Variants in CRTC3 observed in about 807,000 individuals in gnomAD.
The protein encoded by CRTC3 is CREB-regulated transcription coactivator 3.
Under a neutral mutation model 74.5 loss-of-function variants are expected in CRTC3, and 26 were observed. The observed-to-expected ratio is 0.35, with a 90% CI of 0.26 to 0.48. The LOEUF is 0.48. Ranked by LOEUF, CRTC3 falls within the 20% of genes least tolerant of loss-of-function variation. CRTC3 has a pLI of 0.99. For missense variants in CRTC3, 760 were observed against 787.3 expected (o/e 0.97, Z 0.41); for synonymous variants, 377 against 325.8 (o/e 1.16, Z -1.69).
chr15:90,641,595 G>C (rs1000443901), intron 14 of CRTC3, among the ~76,000 whole-genome samples: 3 of 151,976 alleles, frequency 2.0e-5, no homozygotes, highest in African/African-American at 7.3e-5. Flanking sequence ...AGCTACTCGG[G>C]AGGCTGAGGC....
chr15:90,615,642 A>G (rs1395089992), intron 7 of CRTC3, among the ~76,000 whole-genome samples: 1 of 152,234 alleles, frequency 6.6e-6, no homozygotes, highest in East Asian at 1.9e-4. Flanking sequence ...AGAATTCCCA[A>G]CAAATCTTGG....
rs558393973 is a variant in CRTC3 at position 90,571,365 on chromosome 15, A to G, written c.232-22271A>G. Among the ~76,000 whole-genome samples the G allele has an allele frequency of 3.3e-5, 5 of 152,304 alleles. No individual in the cohort carries two copies. In the East Asian group the frequency reaches 9.6e-4, roughly 29 times the overall value. On this transcript the variant is annotated intron_variant, in intron 2 of 14. Coordinates refer to ENST00000268184, the MANE Select transcript of CRTC3 (RefSeq NM_022769.5). ...GTGACTAAGCTGGGACCTGAGGGCT[A>G]TATAACTGAAGATTGGAGTGAGGAG...
intron 2 of CRTC3, among the ~76,000 whole-genome samples, chr15:90,571,891 G>A (rs1258005039): frequency 6.6e-6 from 1 of 152,178 alleles, no homozygotes; most frequent in Non-Finnish European, 1.5e-5. Context: ...ACTGGGTGCA[G>A]TGGCTCACAC....
At chr15:90,543,707 T>C (rs543995036) in intron 2 of CRTC3, among the ~76,000 whole-genome samples, 20 of 152,120 alleles carry the variant, frequency 1.3e-4, no homozygotes, top group Admixed American at 2.0e-4. Flanking sequence ...AGAGCACAGA[T>C]TTTTTTTAAG....
intron 2 of CRTC3, among the ~76,000 whole-genome samples, chr15:90,556,759 A>C (rs562507932): frequency 9.2e-5 from 14 of 152,144 alleles, no homozygotes; most frequent in Non-Finnish European, 1.6e-4. Flanking sequence ...CCGTCAGAGA[A>C]ATATGACTCA....
intron 9 of CRTC3, among the ~76,000 whole-genome samples, chr15:90,622,458 G>C (rs908894309): frequency 1.3e-5 from 2 of 152,162 alleles, no homozygotes; most frequent in Non-Finnish European, 2.9e-5. Context: ...CAGTCAGAAA[G>C]CCCATCTGCT....
chr15:90,624,315 C>T (rs554328043), intron 9 of CRTC3, among the ~76,000 whole-genome samples: 13 of 152,212 alleles, frequency 8.5e-5, no homozygotes, highest in Admixed American at 6.5e-4. Context: ...CCCTGCCTCT[C>T]CTTCTGCCTG....
chr15:90,596,809 A>C (rs1238087452), intron 3 of CRTC3, among the ~76,000 whole-genome samples: 2 of 152,254 alleles, frequency 1.3e-5, no homozygotes, highest in African/African-American at 4.8e-5. Flanking sequence ...CTTCATTTGA[A>C]AGTATAAAAC....
intron 1 of CRTC3, among the ~76,000 whole-genome samples, chr15:90,537,479 G>A (rs776285549): frequency 4.3e-4 from 65 of 152,328 alleles, no homozygotes; most frequent in Middle Eastern, 3.4e-3. Flanking sequence ...CGCCTCCCGG[G>A]TTCATGCCAT....
At chr15:90,589,048 CGTT>C (rs1384554039) in intron 2 of CRTC3, among the ~76,000 whole-genome samples, 1 of 151,892 alleles carries the variant, frequency 6.6e-6, no homozygotes, top group Non-Finnish European at 1.5e-5. Context: ...TTGTCGTCGT[CGTT>C]ATTTTTATTT....
At chr15:90,531,969 A>AT (rs1395894416) in intron 1 of CRTC3, among the ~76,000 whole-genome samples, 1 of 152,206 alleles carries the variant, frequency 6.6e-6, no homozygotes. Context: ...GTAAAAAAAA[A>AT]GTGTTTACTT....
chr15:90,629,873 C>T (rs1170495712), intron 11 of CRTC3, among the ~76,000 whole-genome samples: 1 of 152,138 alleles, frequency 6.6e-6, no homozygotes, highest in Admixed American at 6.6e-5. Context: ...CAGGCATGCA[C>T]CACCATACCT....
At chr15:90,564,184 G>T (rs1596085846) in intron 2 of CRTC3, among the ~76,000 whole-genome samples, 1 of 152,186 alleles carries the variant, frequency 6.6e-6, no homozygotes, top group African/African-American at 2.4e-5. Flanking sequence ...TGGAGTTCAT[G>T]CTAGTAACTA....
chr15:90,623,420 A>G (rs1968719113), intron 9 of CRTC3, among the ~76,000 whole-genome samples: 1 of 151,804 alleles, frequency 6.6e-6, no homozygotes, highest in Non-Finnish European at 1.5e-5. Flanking sequence ...TCTCATCCAT[A>G]CCCCTGCCCT....
At chr15:90,626,160 C>T (rs1968828555) in intron 10 of CRTC3, among the ~76,000 whole-genome samples, 167 bp downstream of exon 10, 1 of 152,226 alleles carries the variant, frequency 6.6e-6, no homozygotes, top group Admixed American at 6.5e-5. Context: ...TTGGATGTTT[C>T]TGTTTCTCCT....
At chr15:90,617,776 C>A in intron 7 of CRTC3, 107 bp from the exon 8 acceptor site, 1 of 706,632 alleles carries the variant, frequency 1.4e-6, no homozygotes, top group South Asian at 1.6e-5. Flanking sequence ...AGCGATCCTC[C>A]TGCCTCAGCC....
At chr15:90,549,285 GGT>G (rs35240328) in intron 2 of CRTC3, among the ~76,000 whole-genome samples, 124,031 of 150,554 alleles carry the variant, frequency 0.82, 51,235 homozygotes, top group Middle Eastern at 0.9. Flanking sequence ...CTTTGTTCAT[GGT>G]GTGTGTGTGT....
intron 5 of CRTC3, among the ~76,000 whole-genome samples, chr15:90,606,454 C>T (rs1219576868): frequency 1.3e-5 from 2 of 151,720 alleles, no homozygotes; most frequent in Non-Finnish European, 2.9e-5. Context: ...CCCAGCTACA[C>T]GGGAGGCTGA....
At chr15:90,640,792 G>T (rs781504382) in intron 13 of CRTC3, among the ~76,000 whole-genome samples, 1 of 151,790 alleles carries the variant, frequency 6.6e-6, no homozygotes, top group East Asian at 1.9e-4. Context: ...TGGTGAGGCT[G>T]AGGACAGATG....
Sources: allele counts gnomAD v4.1 joint callset (sites outside exome capture counted in the v4.1 genomes callset), GRCh38; gene constraint gnomAD v4.1.1; transcripts MANE v1.5; gene names NCBI Gene and HGNC (gene_info 2026-07-23, HGNC 2026-07-21).